The following RELN variants were observed in gnomAD, a reference collection of about 807,000 sequenced individuals.
RELN encodes the protein reelin.
RELN carries 108 observed loss-of-function variants against 427.6 expected under a neutral mutation model. That is an observed-to-expected ratio of 0.25 (90% confidence interval 0.22 to 0.30). The LOEUF (loss-of-function observed/expected upper bound fraction) is 0.30, where lower values mean the gene tolerates loss of function less well. Ranked by LOEUF, RELN falls within the 10% of genes least tolerant of loss-of-function variation. RELN has a pLI of 1.00. For synonymous variants in RELN, 1,524 were observed against 1,513.4 expected, an observed-to-expected ratio of 1.01 and a Z score of -0.16; for missense variants, 3,715 against 4,302.8, an observed-to-expected ratio of 0.86 and a Z score of 3.82.
intron 3 of RELN, among the ~76,000 whole-genome samples, chr7:103,787,690 T>C (rs541587597): frequency 1.3e-5 from 2 of 152,120 alleles, no homozygotes; most frequent in Admixed American, 6.5e-5. Flanking sequence ...AAGCAGTAAA[T>C]AATAGCCTAC....
At chr7:103,743,414 A>G (rs1260607945) in intron 6 of RELN, among the ~76,000 whole-genome samples, 1 of 152,240 alleles carries the variant, frequency 6.6e-6, no homozygotes, top group African/African-American at 2.4e-5. Context: ...ACATAACAAT[A>G]TTAACCTTAA....
In RELN at chr7:103,535,613, T is replaced by G. The variant is rs1027165243; in HGVS notation, c.7181-129A>C. On this transcript the variant is annotated intron_variant, in intron 45 of 64. Coordinates refer to ENST00000428762, the MANE Select transcript of RELN (RefSeq NM_005045.4). ...GTTTGATTTTTTCCCTACACTTATA[T>G]TTCCTGCTTTGAAATGCTTCCTAGT... 6 of 809,496 alleles carry G rather than the reference T, an allele frequency of 7.4e-6. No individual in the cohort carries two copies. The African/African-American group carries it at 1.0e-4, about 14-fold the overall frequency. 50.1% of individuals were successfully genotyped at this position (809,496 alleles called of 1,614,324 possible).
intron 2 of RELN, among the ~76,000 whole-genome samples, chr7:103,914,336 C>G (rs554634173): frequency 5.9e-5 from 9 of 152,108 alleles, no homozygotes; most frequent in African/African-American, 2.2e-4. Context: ...TTCTGACAAA[C>G]TGACAAACCA....
chr7:103,828,751 T>C (rs548976210), intron 3 of RELN, among the ~76,000 whole-genome samples: 1 of 152,066 alleles, frequency 6.6e-6, no homozygotes, highest in East Asian at 1.9e-4. Context: ...AATTTTAAAG[T>C]GGCACCTCTC....
chr7:103,871,009 A>G (rs1393569923), intron 2 of RELN, among the ~76,000 whole-genome samples: 1 of 152,090 alleles, frequency 6.6e-6, no homozygotes, highest in Non-Finnish European at 1.5e-5. Flanking sequence ...AAACTGTCTC[A>G]GGCAGAAAAC....
intron 2 of RELN, among the ~76,000 whole-genome samples, chr7:103,851,069 T>C (rs1584296521): frequency 6.6e-6 from 1 of 152,154 alleles, no homozygotes; most frequent in East Asian, 1.9e-4. Flanking sequence ...TGCAAAATCG[T>C]GGAACCAACC....
At position 103,953,537 on chromosome 7, in the gene RELN, T is replaced by A. The variant is rs980931491; in HGVS notation, c.226+35594A>T. On this transcript the variant is annotated intron_variant, in intron 1 of 64. Transcript: ENST00000428762. The surrounding 1 kb of genome is among the most constrained non-coding windows in gnomAD (Gnocchi z 4.3). ...GGGGACATACACACACACAGAATTT[T>A]ATATAAAGAATATTAAATATGCCAA... Among the ~76,000 whole-genome samples the A allele has an allele frequency of 1.3e-5, 2 of 152,230 alleles. No individual in the cohort carries two copies. The highest frequency in any genetic ancestry group is 4.8e-5 in the African/African-American group (2 of 41,474).
intron 6 of RELN, among the ~76,000 whole-genome samples, chr7:103,744,365 A>C (rs534513873): frequency 6.6e-6 from 1 of 152,214 alleles, no homozygotes; most frequent in East Asian, 1.9e-4. Context: ...TAGAAAAGCA[A>C]GAGCAAACAC....
intron 2 of RELN, among the ~76,000 whole-genome samples, chr7:103,875,776 T>C (rs1160551467): frequency 6.6e-6 from 1 of 152,110 alleles, no homozygotes; most frequent in Non-Finnish European, 1.5e-5. Context: ...TCTTTCATAA[T>C]TGATGAATGG....
chr7:103,521,979 CT>C lies in RELN; in HGVS notation c.7668+42del, dbSNP rs1001347044. Reference sequence around the variant, plus strand: ...AAGAGAGTCAACTATTTGGAAGGAACTTAAGAAGAGCAGAAATGAGTAACCA... The same window carrying C: ...AAGAGAGTCAACTATTTGGAAGGAACTAAGAAGAGCAGAAATGAGTAACCA... On this transcript the variant is annotated intron_variant, in intron 48 of 64. Coordinates refer to ENST00000428762, the MANE Select transcript of RELN (RefSeq NM_005045.4). The C allele has an allele frequency of 1.9e-6, 3 of 1,603,316 alleles. No homozygotes were observed. In the African/African-American group the frequency reaches 4.0e-5, roughly 21 times the overall value.
intron 28 of RELN, among the ~76,000 whole-genome samples, chr7:103,577,407 A>G (rs1259167368): frequency 6.6e-6 from 1 of 152,218 alleles, no homozygotes; most frequent in Non-Finnish European, 1.5e-5. Flanking sequence ...ATAATTGCCT[A>G]TTAACGTAAG....
intron 1 of RELN, among the ~76,000 whole-genome samples, chr7:103,932,932 T>G (rs1435649673): frequency 6.6e-6 from 1 of 152,168 alleles, no homozygotes; most frequent in Non-Finnish European, 1.5e-5. Context: ...GACAGACACG[T>G]GCTAGAGCTG....
chr7:103,847,651 G>A (rs761731301), intron 2 of RELN, among the ~76,000 whole-genome samples: 3 of 152,194 alleles, frequency 2.0e-5, no homozygotes, highest in Non-Finnish European at 4.4e-5. Flanking sequence ...AGAAGAGACA[G>A]GCTTGAGAAT....
intron 8 of RELN, among the ~76,000 whole-genome samples, chr7:103,702,677 C>T (rs1276768469): frequency 6.6e-6 from 1 of 152,182 alleles, no homozygotes; most frequent in Non-Finnish European, 1.5e-5. Flanking sequence ...TCCTCAGCCA[C>T]TCACTCACAT....
intron 51 of RELN, among the ~76,000 whole-genome samples, chr7:103,508,903 A>G (rs1257061822): frequency 1.3e-5 from 2 of 152,188 alleles, no homozygotes; most frequent in African/African-American, 2.4e-5. Flanking sequence ...CACAATTGCT[A>G]CAAAGAGAAC....
chr7:103,594,321 C>T lies in RELN; in HGVS notation c.3711G>A (p.Gln1237=). 6.2e-7 allele frequency: 1 copy of T among 1,613,294 alleles called. No homozygotes were observed. The highest frequency in any genetic ancestry group is 8.5e-7 in the Non-Finnish European group (1 of 1,179,442). ...IIPVINPTLP[Q]NFYEKPAFDY... ...TTGGAGTTCAGACATAGGAGAATAC[C>T]TGAGGTAAAGTTGGATTGATAACTG... The change falls in exon 26 of 65, where the codon CAG becomes CAA. Residue 1237 remains glutamine (Q), a splice_region_variant and synonymous_variant. Transcript: ENST00000428762.
At chr7:103,949,100 C>T (rs374945942) in intron 1 of RELN, among the ~76,000 whole-genome samples, 52 of 150,452 alleles carry the variant, frequency 3.5e-4, no homozygotes, top group African/African-American at 6.4e-4. Context: ...CACACACACA[C>T]GCACACATAT....
At chr7:103,803,057 T>C (rs898014215) in intron 3 of RELN, among the ~76,000 whole-genome samples, 2 of 152,100 alleles carry the variant, frequency 1.3e-5, no homozygotes, top group Non-Finnish European at 2.9e-5. Flanking sequence ...TGGGTCAAAA[T>C]AGAATCACCC....
chr7:103,574,452 A>T (rs757571881), intron 29 of RELN, among the ~76,000 whole-genome samples, 153 bp from the exon 30 acceptor site: 7 of 152,254 alleles, frequency 4.6e-5, no homozygotes, highest in Non-Finnish European at 8.8e-5. Flanking sequence ...GTCGGTCTGA[A>T]AGACAGCCAT....
Sources: gnomAD v4.1 joint callset for allele counts (sites outside exome capture counted in the v4.1 genomes callset) on GRCh38, gnomAD v4.1.1 for gene constraint, Gnocchi (gnomAD v3.1) non-coding constraint, MANE v1.5 for transcripts, NCBI Gene and HGNC (gene_info 2026-07-23, HGNC 2026-07-21) for gene names.